SH2B3: variants seen among roughly 807,000 people sequenced by gnomAD.
SH2B3 encodes SH2B adaptor protein 3, also known as SH2B adapter protein 3.
SH2B3 carries 43 observed loss-of-function variants against 51.9 expected under a neutral mutation model. That is an observed-to-expected ratio of 0.83 (90% CI 0.65 to 1.07). The LOEUF (loss-of-function observed/expected upper bound fraction) is 1.07. Ranked by LOEUF, SH2B3 falls within the 50% of genes least tolerant of loss-of-function variation. The probability of loss-of-function intolerance (pLI) is 0.00; values close to 1 mark genes in which losing one functional copy is unlikely to be tolerated. For synonymous variants in SH2B3, 396 were observed against 376.0 expected (o/e 1.05, Z -0.62); for missense variants, 952 against 834.3 (o/e 1.14, Z -1.74).
At chr12:111,446,011 AG>A (rs1455592744) in intron 2 of SH2B3, among the ~76,000 whole-genome samples, 1 of 152,194 alleles carries the variant, frequency 6.6e-6, no homozygotes, top group Non-Finnish European at 1.5e-5. Context: ...AGTATTTTCC[AG>A]GAACACCTGA....
At position 111,447,423 on chromosome 12, in the gene SH2B3, T is replaced by C; in HGVS notation, c.1115T>C (p.Val372Ala). The C allele has an allele frequency of 1.9e-6, 3 of 1,613,870 alleles. No homozygotes were observed. Among genetic ancestry groups the C allele is most frequent in the Non-Finnish European group, 2.5e-6 (3 of 1,179,924 alleles). The change falls in exon 6 of 8, where the codon GTG (valine) becomes GCG (alanine). Residue 372 changes from valine to alanine, a missense_variant. Physicochemically the swap from Val to Ala is moderately conservative, Grantham distance 64 (BLOSUM62 0). Coordinates refer to ENST00000341259, the MANE Select transcript of SH2B3 (RefSeq NM_005475.3). ...YPWFHGPISR[V>A]KAAQLVQLQG... ...TGGTTCCACGGCCCCATCTCCAGAG[T>C]GAAAGCAGCTCAGCTGGTTCAGCTG...
rs1385160286 is a variant in SH2B3 at position 111,418,972 on chromosome 12, A to G, written c.732+95A>G. The G allele has an allele frequency of 8.3e-7, 1 of 1,203,416 alleles. No homozygotes were observed. The highest frequency in any genetic ancestry group is 1.1e-6 in the Non-Finnish European group (1 of 930,114). The allele number at this position is 1,203,416 out of a possible 1,614,324, so 74.5% of individuals were successfully genotyped here. On this transcript the variant is annotated intron_variant, in intron 2 of 7. Transcript: ENST00000341259. This position sits in a 1 kb window ranked among gnomAD's most constrained non-coding sequence, Gnocchi z 6.7. ...GGCTGGGGAGGTGTGATGGCTTTCC[A>G]GCTGGTGGCCACAGAGTGTCCAGAG...
At position 111,449,742 on chromosome 12, in the gene SH2B3, C is replaced by CAGAT. The variant is rs1481820149; in HGVS notation, c.*1442_*1445dup. The CAGAT allele has an allele frequency of 6.6e-6, 1 of 152,160 alleles. No individual in the cohort carries two copies. Among genetic ancestry groups the CAGAT allele is most frequent in the Non-Finnish European group, 1.5e-5 (1 of 68,050 alleles). The allele number at this position is 152,160 out of a possible 1,614,324, so 9.4% of individuals were successfully genotyped here. A position where few individuals can be genotyped will look rare whatever the true frequency, so the allele number is the denominator to read the frequency against. ...AAACTGGGAGTTTAGATCAGCTTTA[C>CAGAT]AGATACATCGATCAGAGGCTAAAAT... is the stretch of plus-strand genomic sequence containing the variant. On this transcript the variant is annotated 3_prime_UTR_variant, in exon 8 of 8. Coordinates refer to ENST00000341259, the MANE Select transcript of SH2B3 (RefSeq NM_005475.3).
intron 2 of SH2B3, chr12:111,444,838 A>T: frequency 1.0e-6 from 1 of 985,698 alleles, no homozygotes; most frequent in Non-Finnish European, 1.2e-6. Flanking sequence ...AGCCTCTGGC[A>T]TAGGACACCC....
At position 111,448,350 on chromosome 12, in the gene SH2B3, C is replaced by T. The variant is rs373432208; in HGVS notation, c.*48C>T. Reference sequence around the variant, plus strand: ...AACAGCTGCCCTTGAGGAGCACAGGCAGAAGTGTGAACTTGTGAATGTAAT... The same window carrying T: ...AACAGCTGCCCTTGAGGAGCACAGGTAGAAGTGTGAACTTGTGAATGTAAT... On this transcript the variant is annotated 3_prime_UTR_variant, in exon 8 of 8. Coordinates refer to ENST00000341259, the MANE Select transcript of SH2B3 (RefSeq NM_005475.3). 1 of 1,323,932 alleles carries T rather than the reference C, an allele frequency of 7.6e-7. No homozygotes were observed. The highest frequency in any genetic ancestry group is 1.5e-5 in the African/African-American group (1 of 68,804). The allele number at this position is 1,323,932 out of a possible 1,614,324, so 82.0% of individuals were successfully genotyped here.
intron 2 of SH2B3, among the ~76,000 whole-genome samples, chr12:111,445,229 T>A (rs1243331643): frequency 6.6e-6 from 1 of 152,036 alleles, no homozygotes; most frequent in Non-Finnish European, 1.5e-5. Context: ...CTCCCAGTGA[T>A]CCTTAAGGCC....
chr12:111,443,997 C>G (rs1873682210), intron 2 of SH2B3: 1 of 152,194 alleles, frequency 6.6e-6, no homozygotes, highest in Admixed American at 6.5e-5. Flanking sequence ...TCGAGACCAA[C>G]CTGGCCAACC....
Position 111,418,562 on chromosome 12 carries a change from C to T in SH2B3, c.417C>T (p.Arg139=). Residue 139 remains arginine (R), a synonymous_variant, in exon 2 of 8, where the codon CGC becomes CGT. Transcript: ENST00000341259. This position sits in a 1 kb window ranked among gnomAD's most constrained non-coding sequence, Gnocchi z 6.7. The stretch of plus-strand genomic sequence containing the variant: ...GGCCCTGCTCCTTCCAGCACTTTCG[C>T]CGCAGCCTCCGCCACATCTTCCGCC... ...PPGPCSFQHF[R]RSLRHIFRRR... The T allele has an allele frequency of 6.8e-7, 1 of 1,473,184 alleles. No individual in the cohort carries two copies. The highest frequency in any genetic ancestry group is 2.2e-5 in the Admixed American group (1 of 45,036). The allele number at this position is 1,473,184 out of a possible 1,614,324, so 91.3% of individuals were successfully genotyped here. A position where few individuals can be genotyped will look rare whatever the true frequency, so the allele number is the denominator to read the frequency against.
intron 2 of SH2B3, among the ~76,000 whole-genome samples, chr12:111,427,509 G>A (rs1462987870): frequency 1.3e-5 from 2 of 152,202 alleles, no homozygotes; most frequent in Non-Finnish European, 2.9e-5. Flanking sequence ...CTGACGGGGA[G>A]GCGACAGCAG....
chr12:111,429,036 GGAGGAGGAGGAA>G lies in SH2B3; in HGVS notation c.732+10171_732+10182del, dbSNP rs1565977412. On this transcript the variant is annotated intron_variant, in intron 2 of 7. Transcript: ENST00000341259. The surrounding 1 kb of genome is among the most constrained non-coding windows in gnomAD (Gnocchi z 4.4). ...AGTGCGAGGAGGAGGAGGAGGAGGA[GGAGGAGGAGGAA>G]GAGGAGGAGGAGGAGGAGGAGGGAC... Among the ~76,000 whole-genome samples, 6 of 148,326 alleles carry G rather than the reference GGAGGAGGAGGAA, an allele frequency of 4.0e-5. No homozygotes were observed. The highest frequency in any genetic ancestry group is 7.1e-5 in the Admixed American group (1 of 14,148).
chr12:111,417,938 T>C (rs1392163019), intron 1 of SH2B3, among the ~76,000 whole-genome samples, 181 bp from the exon 2 acceptor site: 2 of 152,210 alleles, frequency 1.3e-5, no homozygotes, highest in East Asian at 1.9e-4. Flanking sequence ...TTCTGCCAAA[T>C]TGGCCATGCC....
chr12:111,418,202 G>T lies in SH2B3; in HGVS notation c.57G>T (p.Pro19=). 6.3e-7 allele frequency: 1 copy of T among 1,576,390 alleles called. No individual in the cohort carries two copies. The highest frequency in any genetic ancestry group is 8.5e-7 in the Non-Finnish European group (1 of 1,171,836). Residue 19 remains proline (P), a synonymous_variant, in exon 2 of 8, where the codon CCG becomes CCT. Transcript: ENST00000341259. The surrounding 1 kb of genome is among the most constrained non-coding windows in gnomAD (Gnocchi z 6.7). ...CCTCTTCCGCGCCCTCAGCCTCCCC[G>T]GCGGCGGCCCCGCGGGGCTGGAGCG... ...SSPSSAPSAS[P]AAAPRGWSEF...
rs917512066 is a variant in SH2B3 at position 111,429,954 on chromosome 12, T to C, written c.732+11077T>C. 6.6e-6 allele frequency among the ~76,000 whole-genome samples: 1 copy of C among 152,198 alleles called. No individual in the cohort carries two copies. Among genetic ancestry groups the C allele is most frequent in the Admixed American group, 6.5e-5 (1 of 15,286 alleles). The stretch of plus-strand genomic sequence containing the variant: ...CTGTATCCCGGCAAGCAGGGCAGAC[T>C]GAGCCCTGGTCTTGGCAGGCAGGCA... On this transcript the variant is annotated intron_variant, in intron 2 of 7. Transcript: ENST00000341259. This position sits in a 1 kb window ranked among gnomAD's most constrained non-coding sequence, Gnocchi z 4.4.
At chr12:111,439,655 G>C (rs536763824) in intron 2 of SH2B3, among the ~76,000 whole-genome samples, 2 of 152,184 alleles carry the variant, frequency 1.3e-5, no homozygotes, top group African/African-American at 4.8e-5. Context: ...CATAGTTCAC[G>C]GCAGCCTCAA....
At chr12:111,412,581 T>C (rs1028074833) in intron 1 of SH2B3, among the ~76,000 whole-genome samples, 1 of 152,190 alleles carries the variant, frequency 6.6e-6, no homozygotes, top group Admixed American at 6.5e-5. Context: ...GTTCTTTTTT[T>C]CTTATAGAGA....
chr12:111,443,683 C>G (rs992090102), intron 2 of SH2B3: 4 of 152,338 alleles, frequency 2.6e-5, no homozygotes, highest in African/African-American at 9.6e-5. Context: ...CTAGGCTACT[C>G]AGAGGGGACT....
In SH2B3 at chr12:111,406,140, G is replaced by A. The variant is rs1870225237; in HGVS notation, c.-165G>A. 6.6e-6 allele frequency: 1 copy of A among 151,872 alleles called. No homozygotes were observed. Among genetic ancestry groups the A allele is most frequent in the South Asian group, 2.1e-4 (1 of 4,832 alleles). 9.4% of individuals were successfully genotyped at this position (151,872 alleles called of 1,614,324 possible). On this transcript the variant is annotated 5_prime_UTR_variant, in exon 1 of 8. Coordinates refer to ENST00000341259, the MANE Select transcript of SH2B3 (RefSeq NM_005475.3). This position sits in a 1 kb window ranked among gnomAD's most constrained non-coding sequence, Gnocchi z 5.7. ...CGGGTTTCCTGCCTGAGCCCCGCTC[G>A]AGCGAGCCGCGAGCGAGGAGCCGGC... is the stretch of plus-strand genomic sequence containing the variant.
At chr12:111,411,136 T>G (rs1469884067) in intron 1 of SH2B3, among the ~76,000 whole-genome samples, 1 of 143,562 alleles carries the variant, frequency 7.0e-6, no homozygotes, top group Non-Finnish European at 1.5e-5. Flanking sequence ...AAGGTCAAGG[T>G]GGGAGGATCA....
chr12:111,412,341 G>A (rs1424511092), intron 1 of SH2B3, among the ~76,000 whole-genome samples: 2 of 152,146 alleles, frequency 1.3e-5, no homozygotes, highest in Non-Finnish European at 2.9e-5. Flanking sequence ...TGACTGCTCT[G>A]GGCTGGCAAC....
Sources: allele counts gnomAD v4.1 joint callset (sites outside exome capture counted in the v4.1 genomes callset), GRCh38; gene constraint gnomAD v4.1.1; non-coding constraint Gnocchi (gnomAD v3.1); transcripts MANE v1.5; gene names NCBI Gene and HGNC (gene_info 2026-07-23, HGNC 2026-07-21).